ERBB4: variants seen among roughly 807,000 people sequenced by gnomAD.
ERBB4 encodes receptor tyrosine-protein kinase erbB-4.
ERBB4 carries 42 observed loss-of-function variants against 158.0 expected under a neutral mutation model. That is an observed-to-expected ratio of 0.27 (90% CI 0.21 to 0.34). ERBB4 has a LOEUF of 0.34. Ranked by LOEUF, ERBB4 falls within the 10% of genes least tolerant of loss-of-function variation. The pLI, the probability that ERBB4 is intolerant of heterozygous loss-of-function variation, is 1.00. For missense variants in ERBB4, 1,333 were observed against 1,624.1 expected (o/e 0.82, Z 3.08); for synonymous variants, 583 against 558.7 (o/e 1.04, Z -0.61).
At chr2:212,017,898 A>G (rs767364503) in intron 2 of ERBB4, among the ~76,000 whole-genome samples, 2 of 152,152 alleles carry the variant, frequency 1.3e-5, no homozygotes, top group Admixed American at 1.3e-4. Context: ...TTCTATCTTG[A>G]TTTCTAACAT....
At chr2:212,217,952 C>T (rs2083155895) in intron 1 of ERBB4, among the ~76,000 whole-genome samples, 1 of 151,182 alleles carries the variant, frequency 6.6e-6, no homozygotes, top group Non-Finnish European at 1.5e-5. Flanking sequence ...TGAATCAGCA[C>T]ATATCATGAC....
chr2:211,467,060 A>C (rs1425972403), intron 20 of ERBB4, among the ~76,000 whole-genome samples: 2 of 152,138 alleles, frequency 1.3e-5, no homozygotes, highest in Non-Finnish European at 2.9e-5. Context: ...TCCAATGTCC[A>C]TGTTAGTAAT....
At chr2:211,835,848 A>T (rs535096117) in intron 3 of ERBB4, among the ~76,000 whole-genome samples, 4 of 152,150 alleles carry the variant, frequency 2.6e-5, no homozygotes, top group African/African-American at 9.6e-5. Context: ...TAAAGTTGCA[A>T]AACCAAGGGG....
intron 1 of ERBB4, among the ~76,000 whole-genome samples, chr2:212,206,533 G>C (rs542339229): frequency 6.6e-6 from 1 of 150,676 alleles, no homozygotes; most frequent in Non-Finnish European, 1.5e-5. Flanking sequence ...GGATAGCTTA[G>C]GTCTAATGAC....
At chr2:212,073,548 G>C (rs940406079) in intron 2 of ERBB4, among the ~76,000 whole-genome samples, 22 of 151,932 alleles carry the variant, frequency 1.4e-4, no homozygotes, top group Admixed American at 6.6e-5. Context: ...GAGTGAGTCA[G>C]AGGATAAACA....
intron 21 of ERBB4, among the ~76,000 whole-genome samples, chr2:211,428,707 T>C (rs535043724): frequency 7.9e-5 from 12 of 152,066 alleles, no homozygotes; most frequent in Non-Finnish European, 1.5e-4. Flanking sequence ...TGTACTATAC[T>C]TATTCATTTT....
At chr2:212,431,640 T>A (rs1487834302) in intron 1 of ERBB4, among the ~76,000 whole-genome samples, 6 of 152,166 alleles carry the variant, frequency 3.9e-5, no homozygotes. Context: ...AAAGCCAAAG[T>A]CTACTACATA....
chr2:212,020,571 A>G (rs2076626870), intron 2 of ERBB4, among the ~76,000 whole-genome samples: 2 of 152,088 alleles, frequency 1.3e-5, no homozygotes, highest in African/African-American at 4.8e-5. Flanking sequence ...TGTAAATCAA[A>G]CTCAGAATGC....
At chr2:212,094,262 A>T (rs968532309) in intron 2 of ERBB4, among the ~76,000 whole-genome samples, 18 of 149,936 alleles carry the variant, frequency 1.2e-4, no homozygotes, top group East Asian at 3.9e-4. Flanking sequence ...ATAATAATAA[A>T]AAATAATAAT....
rs533722226 is a variant in ERBB4, at chr2:211,849,834, C to T, written c.422-61675G>A. ...GTATATCTTACTGCCCAGCAAAATG[C>T]AAATGAGGTGGAGAATAGCACATTT... On this transcript the variant is annotated intron_variant, in intron 3 of 27. Coordinates refer to ENST00000342788, the MANE Select transcript of ERBB4 (RefSeq NM_005235.3). Among the ~76,000 whole-genome samples the T allele has an allele frequency of 3.2e-5, 3 of 92,964 alleles. No homozygotes were observed. The East Asian group carries it at 1.1e-3, about 33-fold the overall frequency. The allele number at this position is 92,964 out of a possible 152,430, so 61.0% of individuals were successfully genotyped here.
At chr2:212,505,799 C>A (rs1691163560) in intron 1 of ERBB4, among the ~76,000 whole-genome samples, 1 of 148,834 alleles carries the variant, frequency 6.7e-6, no homozygotes, top group Non-Finnish European at 1.5e-5. Flanking sequence ...AATAAAAGTC[C>A]TTTGTTTCTG....
chr2:211,665,003 C>A (rs900761020), intron 15 of ERBB4, among the ~76,000 whole-genome samples: 1 of 152,150 alleles, frequency 6.6e-6, no homozygotes, highest in Non-Finnish European at 1.5e-5. Context: ...TGATTACTGT[C>A]CTATCTTTTC....
intron 20 of ERBB4, among the ~76,000 whole-genome samples, chr2:211,494,659 T>G (rs1368370855): frequency 6.6e-6 from 1 of 152,154 alleles, no homozygotes; most frequent in Non-Finnish European, 1.5e-5. Flanking sequence ...CTCTGAAATT[T>G]TGAAAGAAGC....
intron 1 of ERBB4, among the ~76,000 whole-genome samples, chr2:212,167,997 C>A (rs2081399972): frequency 6.6e-6 from 1 of 151,680 alleles, no homozygotes; most frequent in African/African-American, 2.4e-5. Flanking sequence ...CAGCAAACCA[C>A]CATGGCACAC....
At chr2:212,051,208 C>A (rs1002667330) in intron 2 of ERBB4, among the ~76,000 whole-genome samples, 16 of 151,968 alleles carry the variant, frequency 1.1e-4, no homozygotes, top group African/African-American at 3.4e-4. Context: ...CATTTTATTT[C>A]TTTGTTCTGC....
At chr2:211,830,334 A>G (rs1319599036) in intron 3 of ERBB4, among the ~76,000 whole-genome samples, 2 of 152,126 alleles carry the variant, frequency 1.3e-5, no homozygotes, top group African/African-American at 4.8e-5. Flanking sequence ...GTTAAGAAAT[A>G]AGGGGCTTAA....
intron 1 of ERBB4, among the ~76,000 whole-genome samples, chr2:212,374,326 T>C (rs1330738129): frequency 2.6e-5 from 4 of 151,518 alleles, no homozygotes; most frequent in African/African-American, 7.3e-5. Flanking sequence ...TAAAAATCCA[T>C]AAAATAAATA....
At chr2:212,102,092 A>T (rs552602826) in intron 2 of ERBB4, among the ~76,000 whole-genome samples, 5 of 127,698 alleles carry the variant, frequency 3.9e-5, no homozygotes, top group East Asian at 4.1e-4. Context: ...AATTTATTTT[A>T]TATATATATA....
intron 20 of ERBB4, among the ~76,000 whole-genome samples, chr2:211,546,965 T>C (rs954163437): frequency 6.6e-6 from 1 of 152,104 alleles, no homozygotes; most frequent in African/African-American, 2.4e-5. Flanking sequence ...AGGGATGGGA[T>C]GAGGCCATGA....
Sources: gnomAD v4.1 joint callset for allele counts (sites outside exome capture counted in the v4.1 genomes callset) on GRCh38, gnomAD v4.1.1 for gene constraint, MANE v1.5 for transcripts, NCBI Gene and HGNC (gene_info 2026-07-23, HGNC 2026-07-21) for gene names.